The following TTN variants were observed in gnomAD, a reference collection of about 807,000 sequenced individuals.
TTN encodes the protein connectin.
In TTN, 1,525 loss-of-function variants were observed where a neutral mutation model predicts 3,223.0. That is an observed-to-expected ratio of 0.47 (90% CI 0.45 to 0.49). The LOEUF is 0.49. Ranked by LOEUF, TTN falls within the 20% of genes least tolerant of loss-of-function variation. The probability of loss-of-function intolerance (pLI) is 0.00; values close to 1 mark genes in which losing one functional copy is unlikely to be tolerated. For synonymous variants in TTN, 14,094 were observed against 15,161.0 expected (o/e 0.93, Z 5.17); for missense variants, 40,786 against 43,424.0 (o/e 0.94, Z 5.40).
In TTN at chr2:178,707,705, A is replaced by T; in HGVS notation, c.28862T>A (p.Ile9621Asn). 1 of 1,613,972 alleles carries T rather than the reference A, an allele frequency of 6.2e-7. No homozygotes were observed. Among genetic ancestry groups the T allele is most frequent in the Non-Finnish European group, 8.5e-7 (1 of 1,179,866 alleles). The change falls in exon 100 of 363, where the codon ATC (isoleucine) becomes AAC (asparagine). Residue 9621 changes from isoleucine (I) to asparagine (N), a missense_variant. Coordinates refer to ENST00000589042, the MANE Select transcript of TTN (RefSeq NM_001267550.2). The stretch of plus-strand genomic sequence containing the variant: ...TTCCCTGCCAGCCTTCAACCACTGG[A>T]TCCTAATTGGCTCAGATCCCTGGAC... ...CHVQGSEPIRIQWLKAGREIK... is the reference protein window; with the variant it reads ...CHVQGSEPIRNQWLKAGREIK...
chr2:178,605,519 T>C lies in TTN; in HGVS notation c.53776A>G (p.Asn17926Asp). The change falls in exon 279 of 363, where the codon AAT becomes GAT. Residue 17926 changes from asparagine (N) to aspartate (D), a missense_variant. Physicochemically the swap from Asn to Asp is conservative, Grantham distance 23 (BLOSUM62 1). Transcript: ENST00000589042. ...TCATACATTTGGTGTTCATCAAGATTTTCAACCAGAAAAGATGTGGTTGGG... is the reference window on the plus strand; with the variant it reads ...TCATACATTTGGTGTTCATCAAGATCTTCAACCAGAAAAGATGTGGTTGGG... ...LCPTTSFLVE[N>D]LDEHQMYEFR... The C allele has an allele frequency of 6.2e-7, 1 of 1,612,404 alleles. No homozygotes were observed. The highest frequency in any genetic ancestry group is 1.1e-5 in the South Asian group (1 of 90,978).
At chr2:178,630,737 C>CT (rs2059700512) in intron 238 of TTN, 67 bp downstream of exon 238, 1 of 1,554,420 alleles carries the variant, frequency 6.4e-7, no homozygotes, top group Non-Finnish European at 8.7e-7. Context: ...TCCACTCTGA[C>CT]TTTCACCTGT....
chr2:178,685,575 C>G lies in TTN; in HGVS notation c.32335G>C (p.Val10779Leu). The G allele has an allele frequency of 6.2e-7, 1 of 1,613,694 alleles. No homozygotes were observed. Among genetic ancestry groups the G allele is most frequent in the Non-Finnish European group, 8.5e-7 (1 of 1,179,764 alleles). Residue 10779 changes from valine (V) to leucine (L), a missense_variant, in exon 128 of 363, where the codon GTT (valine) becomes CTT (leucine). By Grantham distance (32) the Val-to-Leu change is conservative. Transcript: ENST00000589042. ...YEVMEEPEEYVVEEKLHIISK... is the reference protein window; with the variant it reads ...YEVMEEPEEYLVEEKLHIISK... ...ATAATGTGCAGCTTTTCTTCCACAA[C>G]ATATTCCTCAGGCTCTTCCATCACT... is the stretch of plus-strand genomic sequence containing the variant.
chr2:178,800,453 T>C lies in TTN; in HGVS notation c.525A>G (p.Ser175=). The C allele has an allele frequency of 6.2e-7, 1 of 1,614,186 alleles. No homozygotes were observed. The highest frequency in any genetic ancestry group is 1.6e-4 in the Middle Eastern group (1 of 6,062). The stretch of plus-strand genomic sequence containing the variant: ...TTCCAACGCTATTGGTGGCATTTAC[T>C]GAATAGGTCCCTGAGTCCTCAGGGT... ...EAYPEDSGTY[S]VNATNSVGRA... Residue 175 remains serine, a synonymous_variant, in exon 4 of 363, where the codon TCA becomes TCG. Coordinates refer to ENST00000589042, the MANE Select transcript of TTN (RefSeq NM_001267550.2).
At position 178,714,526 on chromosome 2, in the gene TTN, C is replaced by A. The variant is rs757423560; in HGVS notation, c.26248G>T (p.Gly8750Cys). ...GTAGTCTGCAGCTGAACTTCTTTACCAACGACAGTAGATATGTCACTGAGC... is the reference window on the plus strand; with the variant it reads ...GTAGTCTGCAGCTGAACTTCTTTACAAACGACAGTAGATATGTCACTGAGC... ...KKLSDISTVVGKEVQLQTTIE... is the reference protein window; with the variant it reads ...KKLSDISTVVCKEVQLQTTIE... The change falls in exon 91 of 363, where the codon GGT (glycine) becomes TGT (cysteine). Residue 8750 changes from glycine to cysteine, a missense_variant. Coordinates refer to ENST00000589042, the MANE Select transcript of TTN (RefSeq NM_001267550.2). The A allele has an allele frequency of 6.2e-7, 1 of 1,613,022 alleles. No homozygotes were observed. Among genetic ancestry groups the A allele is most frequent in the South Asian group, 1.1e-5 (1 of 90,966 alleles).
In TTN at chr2:178,560,107, C is replaced by G. The variant is rs369528150; in HGVS notation, c.86025G>C (p.Pro28675=). The change falls in exon 326 of 363, where the codon CCG becomes CCC. Residue 28675 remains proline, a synonymous_variant. Transcript: ENST00000589042. ...KTTITIAWVK[P]LFDGGAPITG... ...TTATCGGGGCCCCACCATCAAACAG[C>G]GGCTTAACCCAGGCAATAGTTATAG... is the stretch of plus-strand genomic sequence containing the variant. 4 of 1,613,648 alleles carry G rather than the reference C, an allele frequency of 2.5e-6. No homozygotes were observed. The Admixed American group carries it at 6.7e-5, about 27-fold the overall frequency.
Position 178,532,383 on chromosome 2 carries a change from T to C in TTN, c.104232A>G (p.Ala34744=), listed in dbSNP as rs1424882970. ...CCTGGGCATGCCGTTCCCTCAGTTC[T>C]GCATAACTTGTACTAGCTTCAGCCT... ...PTKAEASTSY[A]ELRERHAQAA... is the part of the protein sequence containing the mutation. Residue 34744 remains alanine, a synonymous_variant, in exon 358 of 363, where the codon GCA becomes GCG. Coordinates refer to ENST00000589042, the MANE Select transcript of TTN (RefSeq NM_001267550.2). 6.2e-7 allele frequency: 1 copy of C among 1,614,058 alleles called. No homozygotes were observed. The highest frequency in any genetic ancestry group is 1.7e-5 in the Admixed American group (1 of 60,026).
In TTN at chr2:178,607,150, C is replaced by A; in HGVS notation, c.53452G>T (p.Glu17818Ter). The A allele has an allele frequency of 6.2e-7, 1 of 1,612,956 alleles. No individual in the cohort carries two copies. The highest frequency in any genetic ancestry group is 8.5e-7 in the Non-Finnish European group (1 of 1,179,284). ...MHTWRQPIET[E>*]RSKCDITGLL... Reference sequence around the variant, plus strand: ...CCTGTGATGTCACATTTAGATCTCTCAGTCTCTATTGGTTGTCTCCAAGTA... The same window carrying A: ...CCTGTGATGTCACATTTAGATCTCTAAGTCTCTATTGGTTGTCTCCAAGTA... Residue 17818 changes from glutamate (E) to a stop codon, truncating the protein, a stop_gained, in exon 278 of 363, where the codon GAG becomes TAG. Coordinates refer to ENST00000589042, the MANE Select transcript of TTN (RefSeq NM_001267550.2). LOFTEE classifies it high-confidence loss of function.
intron 47 of TTN, chr2:178,747,703 T>C: frequency 1.9e-6 from 3 of 1,612,464 alleles, no homozygotes; most frequent in Non-Finnish European, 2.5e-6. Context: ...TCTCAGATTC[T>C]GCTGCCTCAG....
In TTN at chr2:178,614,960, A is replaced by G; in HGVS notation, c.48647T>C (p.Val16216Ala). 6.3e-7 allele frequency: 1 copy of G among 1,598,086 alleles called. No homozygotes were observed. Among genetic ancestry groups the G allele is most frequent in the Non-Finnish European group, 8.5e-7 (1 of 1,171,458 alleles). The change falls in exon 260 of 363, where the codon GTG (valine) becomes GCG (alanine). Residue 16216 changes from valine (V) to alanine (A), a missense_variant. Val to Ala is a moderately conservative substitution (Grantham distance 64). Coordinates refer to ENST00000589042, the MANE Select transcript of TTN (RefSeq NM_001267550.2). ...CCATTTGCCTTCCTCAAGACCTGTC[A>G]CTTCCATTCTGTCAGAAAACAGAAT... ...GEPVAETKME[V>A]TGLEEGKWYA...
rs763483590 is a variant in TTN, at chr2:178,612,336, G to A, written c.50189C>T (p.Ala16730Val). The change falls in exon 266 of 363, where the codon GCT (alanine) becomes GTT (valine). Residue 16730 changes from alanine to valine, a missense_variant. By Grantham distance (64) the Ala-to-Val change is moderately conservative. Coordinates refer to ENST00000589042, the MANE Select transcript of TTN (RefSeq NM_001267550.2). ...TTCGGTGTAGTCGCTTTGTCCTATA[G>A]CATTTTCTGCAGCAACTCGGAACAC... ...LYVFRVAAEN[A>V]IGQSDYTEIE... 1 of 1,612,524 alleles carries A rather than the reference G, an allele frequency of 6.2e-7. No individual in the cohort carries two copies. Among genetic ancestry groups the A allele is most frequent in the East Asian group, 2.2e-5 (1 of 44,572 alleles).
At chr2:178,667,143 G>A in intron 162 of TTN, 93 bp downstream of exon 162, 1 of 1,141,854 alleles carries the variant, frequency 8.8e-7, no homozygotes, top group Non-Finnish European at 1.2e-6. Flanking sequence ...TTTAACATTA[G>A]AGGTTGTGAG....
chr2:178,802,181 A>G lies in TTN; in HGVS notation c.252T>C (p.Asn84=), dbSNP rs142851233. 1 of 1,614,014 alleles carries G rather than the reference A, an allele frequency of 6.2e-7. No individual in the cohort carries two copies. Among genetic ancestry groups the G allele is most frequent in the Non-Finnish European group, 8.5e-7 (1 of 1,180,004 alleles). The change falls in exon 3 of 363, where the codon AAT becomes AAC. Residue 84 remains asparagine, a synonymous_variant. Coordinates refer to ENST00000589042, the MANE Select transcript of TTN (RefSeq NM_001267550.2). ...CAGTACTAGTCGCTTGTCCAGATCC[A>G]TTGGTGGCTTTCAGGGAATATCGTC... The part of the protein sequence containing the change: ...NSGRYSLKAT[N]GSGQATSTAE...
chr2:178,634,546 G>T lies in TTN; in HGVS notation c.42235C>A (p.Arg14079=). 6.2e-7 allele frequency: 1 copy of T among 1,613,182 alleles called. No homozygotes were observed. Among genetic ancestry groups the T allele is most frequent in the South Asian group, 1.1e-5 (1 of 91,046 alleles). Residue 14079 remains arginine, a synonymous_variant, in exon 230 of 363, where the codon CGA becomes AGA. Coordinates refer to ENST00000589042, the MANE Select transcript of TTN (RefSeq NM_001267550.2). The surrounding 1 kb of genome is among the most constrained non-coding windows in gnomAD (Gnocchi z 4.6). ...TTGGACCATATAACATTTGCCTCTC[G>T]GGTGAGGACACATTCGAATCGAGCC... ...RQARFECVLT[R]EANVIWSKGP...
chr2:178,630,250 G>C lies in TTN; in HGVS notation c.44272C>G (p.Arg14758Gly). 1.2e-6 allele frequency: 2 copies of C among 1,612,772 alleles called. No homozygotes were observed. The highest frequency in any genetic ancestry group is 1.7e-6 in the Non-Finnish European group (2 of 1,179,340). The change falls in exon 239 of 363, where the codon CGA becomes GGA. Residue 14758 changes from arginine (R) to glycine (G), a missense_variant. By Grantham distance (125) the Arg-to-Gly change is moderately radical (BLOSUM62 -2). Coordinates refer to ENST00000589042, the MANE Select transcript of TTN (RefSeq NM_001267550.2). ...AATATACAATACTTACGCTTAACTCGGAGGTGGGCACTAGATTTAACATTG... is the reference window on the plus strand; with the variant it reads ...AATATACAATACTTACGCTTAACTCCGAGGTGGGCACTAGATTTAACATTG... The part of the protein sequence containing the change: ...AANVKSSAHL[R>G]VKPRVIGLLR...
rs1293179822 is a variant in TTN at position 178,739,939 on chromosome 2, T to C, written c.13294A>G (p.Ile4432Val). Residue 4432 changes from isoleucine to valine, a missense_variant, in exon 48 of 363, where the codon ATC becomes GTC. Coordinates refer to ENST00000589042, the MANE Select transcript of TTN (RefSeq NM_001267550.2). ...IEKVEVEAVN[I>V]TQEPRHIMCM... ...ATGATGTGTCTGGGCTCTTGGGTGATGTTTACAGCCTCGACCTCCACCTTT... is the reference window on the plus strand; with the variant it reads ...ATGATGTGTCTGGGCTCTTGGGTGACGTTTACAGCCTCGACCTCCACCTTT... 1.2e-6 allele frequency: 2 copies of C among 1,613,744 alleles called. No individual in the cohort carries two copies. Among genetic ancestry groups the C allele is most frequent in the Admixed American group, 1.7e-5 (1 of 59,980 alleles).
rs1349238417 is a variant in TTN, at chr2:178,542,352, A to G, written c.97404T>C (p.Asn32468=). ...TTGCAGCCACACGGAACACATACTC[A>G]TTTCCTTCGGTGAGTCTGGTAAACT... ...TFKFTRLTEG[N]EYVFRVAATN... The change falls in exon 349 of 363, where the codon AAT becomes AAC. Residue 32468 remains asparagine, a synonymous_variant. Transcript: ENST00000589042. The G allele has an allele frequency of 6.2e-7, 1 of 1,613,166 alleles. No individual in the cohort carries two copies. The highest frequency in any genetic ancestry group is 1.1e-5 in the South Asian group (1 of 91,058).
rs775212992 is a variant in TTN, at chr2:178,568,062, C to G, written c.78070G>C (p.Gly26024Arg). 3.7e-6 allele frequency: 6 copies of G among 1,613,342 alleles called. No homozygotes were observed. The highest frequency in any genetic ancestry group is 5.1e-6 in the Non-Finnish European group (6 of 1,179,584). The change falls in exon 326 of 363, where the codon GGT (glycine) becomes CGT (arginine). Residue 26024 changes from glycine (G) to arginine (R), a missense_variant. By Grantham distance (125) the Gly-to-Arg change is moderately radical (BLOSUM62 -2). Transcript: ENST00000589042. Reference protein sequence around the residue: ...PVNNGGSPVIGYHLERKERNS... With the variant: ...PVNNGGSPVIRYHLERKERNS... ...CTTTCTTTTCTCTCCAGGTGGTAAC[C>G]TATGACGGGGCTTCCACCATTGTTG...
intron 119 of TTN, among the ~76,000 whole-genome samples, chr2:178,692,946 TTG>T (rs1299141622): frequency 6.6e-6 from 1 of 152,150 alleles, no homozygotes; most frequent in Non-Finnish European, 1.5e-5. Flanking sequence ...TTAGATTTTT[TTG>T]TGTCTTAAAT....
Sources: allele counts gnomAD v4.1 joint callset (sites outside exome capture counted in the v4.1 genomes callset), GRCh38; gene constraint gnomAD v4.1.1; non-coding constraint Gnocchi (gnomAD v3.1); transcripts MANE v1.5; gene names NCBI Gene and HGNC (gene_info 2026-07-23, HGNC 2026-07-21).